The following DCN variants were observed in gnomAD, a reference collection of about 807,000 sequenced individuals.
DCN encodes decorin, also known as bone proteoglycan II.
DCN carries 17 observed loss-of-function variants against 36.5 expected under a neutral mutation model. That is an observed-to-expected ratio of 0.47 (90% CI 0.32 to 0.70). The LOEUF is 0.70. Among genes scored for constraint, DCN ranks in the 30% least tolerant of loss-of-function variants. DCN has a pLI of 0.04. For missense variants in DCN, 389 were observed against 430.1 expected, an observed-to-expected ratio of 0.90 and a Z score of 0.84; for synonymous variants, 163 against 161.4, an observed-to-expected ratio of 1.01 and a Z score of -0.07.
chr12:91,158,911 G>A (rs1343361268), intron 3 of DCN, among the ~76,000 whole-genome samples: 1 of 151,518 alleles, frequency 6.6e-6, no homozygotes, highest in African/African-American at 2.4e-5. Context: ...GCAGTGAGCT[G>A]AGATCACACG....
chr12:91,149,058 G>A (rs1023617479), intron 7 of DCN, among the ~76,000 whole-genome samples: 1 of 152,068 alleles, frequency 6.6e-6, no homozygotes, highest in African/African-American at 2.4e-5. Context: ...ATTAGTCTGT[G>A]TAGAACAAAA....
chr12:91,148,804 G>A (rs1440979161), intron 7 of DCN, among the ~76,000 whole-genome samples: 2 of 150,698 alleles, frequency 1.3e-5, no homozygotes, highest in African/African-American at 2.4e-5. Flanking sequence ...TGGTGAAAAC[G>A]GCTTTGTTTT....
At chr12:91,153,442 T>TTTTGTTC (rs1463601917) in intron 5 of DCN, among the ~76,000 whole-genome samples, 1 of 151,942 alleles carries the variant, frequency 6.6e-6, no homozygotes, top group Non-Finnish European at 1.5e-5. Flanking sequence ...TGTAGTCAAT[T>TTTTGTTC]TTTGTTCTTG....
At position 91,145,283 on chromosome 12, in the gene DCN, T is replaced by C. The variant is rs1034174816; in HGVS notation, c.*775A>G. 7 of 152,266 alleles carry C rather than the reference T, an allele frequency of 4.6e-5. No individual in the cohort carries two copies. Among genetic ancestry groups the C allele is most frequent in the Non-Finnish European group, 1.0e-4 (7 of 68,044 alleles). 9.4% of individuals were successfully genotyped at this position (152,266 alleles called of 1,614,324 possible). On this transcript the variant is annotated 3_prime_UTR_variant, in exon 8 of 8. Transcript: ENST00000052754. ...TCACATGATAGTTTTAATATTTATT[T>C]AGCAGAGGGGTAAATTGAAACATCA... is the stretch of plus-strand genomic sequence containing the variant.
intron 2 of DCN, among the ~76,000 whole-genome samples, chr12:91,165,842 C>T (rs916849415): frequency 3.9e-5 from 6 of 151,988 alleles, no homozygotes; most frequent in East Asian, 1.9e-4. Context: ...CTCTTGGGCA[C>T]CATGAATTTA....
At chr12:91,170,376 A>C (rs892762565) in intron 2 of DCN, among the ~76,000 whole-genome samples, 3 of 152,170 alleles carry the variant, frequency 2.0e-5, no homozygotes, top group Admixed American at 2.0e-4. Flanking sequence ...AGGTATGTCA[A>C]GCACAAGGTG....
At chr12:91,151,907 T>C (rs941695085) in intron 6 of DCN, 115 bp from the exon 7 acceptor site, 3 of 1,166,932 alleles carry the variant, frequency 2.6e-6, no homozygotes, top group African/African-American at 3.0e-5. Flanking sequence ...GCACTTACTC[T>C]TCCCAGTTCT....
chr12:91,147,689 G>A (rs1330947437), intron 7 of DCN, among the ~76,000 whole-genome samples: 1 of 152,044 alleles, frequency 6.6e-6, no homozygotes, highest in Non-Finnish European at 1.5e-5. Flanking sequence ...GCTGTGTAGT[G>A]AAAAAGAAAA....
rs199610197 is a variant in DCN at position 91,164,604 on chromosome 12, C to T, written c.324+1G>A. 1.2e-5 allele frequency: 19 copies of T among 1,547,584 alleles called. No individual in the cohort carries two copies. Among genetic ancestry groups the T allele is most frequent in the Non-Finnish European group, 7.1e-6 (8 of 1,119,810 alleles). ...GTGAGTTAAAAAAAAATAGTTCTTA[C>T]GTGAAGGTTCTTCAGGTTCTTAAAG... is the stretch of plus-strand genomic sequence containing the variant. On this transcript the variant is annotated splice_donor_variant, in intron 3 of 7. Transcript: ENST00000052754. LOFTEE classifies it high-confidence loss of function.
Position 91,151,618 on chromosome 12 carries a change from T to A in DCN, c.885+36A>T, listed in dbSNP as rs771862789. 8 of 1,613,280 alleles carry A rather than the reference T, an allele frequency of 5.0e-6. No homozygotes were observed. The Admixed American group carries it at 1.2e-4, about 24-fold the overall frequency. On this transcript the variant is annotated intron_variant, in intron 7 of 7. Coordinates refer to ENST00000052754, the MANE Select transcript of DCN (RefSeq NM_001920.5). ...TAAGCAGGGTGGGGGTCTTGCTTTTTGGATATTCCTCACATAAGCAGTGGC... is the reference window on the plus strand; with the variant it reads ...TAAGCAGGGTGGGGGTCTTGCTTTTAGGATATTCCTCACATAAGCAGTGGC...
intron 2 of DCN, among the ~76,000 whole-genome samples, chr12:91,169,391 A>C (rs1044118572): frequency 6.6e-6 from 1 of 151,424 alleles, no homozygotes; most frequent in Non-Finnish European, 1.5e-5. Flanking sequence ...AAAAAAAAAA[A>C]AAAAAAAAAA....
In DCN at chr12:91,144,851, A is replaced by G. The variant is rs1359242339; in HGVS notation, c.*1207T>C. 4 of 152,280 alleles carry G rather than the reference A, an allele frequency of 2.6e-5. No individual in the cohort carries two copies. The highest frequency in any genetic ancestry group is 1.3e-4 in the Admixed American group (2 of 15,288). The allele number at this position is 152,280 out of a possible 1,614,324, so 9.4% of individuals were successfully genotyped here. On this transcript the variant is annotated 3_prime_UTR_variant, in exon 8 of 8. Transcript: ENST00000052754. ...CTATTAGCAGAATTGATTACCTCTC[A>G]TGTGAGCCACTACTATAACTTGCAC...
At position 91,178,365 on chromosome 12, in the gene DCN, C is replaced by A; in HGVS notation, c.188G>T (p.Arg63Leu). Residue 63 changes from arginine to leucine, a missense_variant, in exon 2 of 8, where the codon CGA becomes CTA. Physicochemically the swap from Arg to Leu is moderately radical, Grantham distance 102. Coordinates refer to ENST00000052754, the MANE Select transcript of DCN (RefSeq NM_001920.5). ...VCPFRCQCHL[R>L]VVQCSDLGLD... ...ACCCAAATCAGAACACTGGACCACT[C>A]GAAGATGGCATTGACAGCGGAAGGG... The A allele has an allele frequency of 1.2e-6, 2 of 1,613,814 alleles. No individual in the cohort carries two copies. Among genetic ancestry groups the A allele is most frequent in the Non-Finnish European group, 1.7e-6 (2 of 1,179,918 alleles).
At chr12:91,171,555 G>A (rs545063798) in intron 2 of DCN, among the ~76,000 whole-genome samples, 5 of 152,226 alleles carry the variant, frequency 3.3e-5, no homozygotes, top group East Asian at 3.9e-4. Context: ...TTTGAGACTA[G>A]GTCAGAAAAG....
At chr12:91,157,366 T>C (rs1881855955) in intron 4 of DCN, among the ~76,000 whole-genome samples, 178 bp from the exon 5 acceptor site, 1 of 152,100 alleles carries the variant, frequency 6.6e-6, no homozygotes, top group Non-Finnish European at 1.5e-5. Context: ...AGGATAAAAA[T>C]TTCCCTTATT....
intron 2 of DCN, among the ~76,000 whole-genome samples, chr12:91,170,448 G>T (rs1372931314): frequency 6.6e-6 from 1 of 152,084 alleles, no homozygotes; most frequent in African/African-American, 2.4e-5. Context: ...TGGTCTTTCT[G>T]CATTCATCAT....
rs1240620373 is a variant in DCN, at chr12:91,151,748, G to A, written c.791C>T (p.Ser264Phe). ...CCTCAGATGAGGCGTGTTGGCCAGA[G>A]AGCCATTGTCAACAGCAGAGATGCT... ...FNSISAVDNG[S>F]LANTPHLREL... The change falls in exon 7 of 8, where the codon TCT (serine) becomes TTT (phenylalanine). Residue 264 changes from serine to phenylalanine, a missense_variant. Physicochemically the swap from Ser to Phe is radical, Grantham distance 155. Transcript: ENST00000052754. 3.2e-5 allele frequency: 52 copies of A among 1,613,932 alleles called. No homozygotes were observed. The highest frequency in any genetic ancestry group is 4.0e-5 in the African/African-American group (3 of 74,910).
chr12:91,147,907 T>G (rs1881131637), intron 7 of DCN, among the ~76,000 whole-genome samples: 1 of 152,174 alleles, frequency 6.6e-6, no homozygotes. Context: ...AAGATAATGG[T>G]AATTTGGCCA....
chr12:91,140,682 A>C lies in DCN; in HGVS notation c.*5376T>G, dbSNP rs1880728901. 1 of 152,152 alleles carries C rather than the reference A, an allele frequency of 6.6e-6. No individual in the cohort carries two copies. The highest frequency in any genetic ancestry group is 6.5e-5 in the Admixed American group (1 of 15,274). The allele number at this position is 152,152 out of a possible 1,614,324, so 9.4% of individuals were successfully genotyped here. A position where few individuals can be genotyped will look rare whatever the true frequency, so the allele number is the denominator to read the frequency against. ...TCTCTAGAATTTATGTCTACAGCTC[A>C]ACCCTTTCCCTTGAGCTCCAAAATT... is the stretch of plus-strand genomic sequence containing the variant. On this transcript the variant is annotated 3_prime_UTR_variant, in exon 8 of 8. Coordinates refer to ENST00000052754, the MANE Select transcript of DCN (RefSeq NM_001920.5).
Sources: allele counts gnomAD v4.1 joint callset (sites outside exome capture counted in the v4.1 genomes callset), GRCh38; gene constraint gnomAD v4.1.1; transcripts MANE v1.5; gene names NCBI Gene and HGNC (gene_info 2026-07-23, HGNC 2026-07-21).